The following CTXN3 variants were observed in gnomAD, a reference collection of about 807,000 sequenced individuals.
The protein encoded by CTXN3 is cortexin-3.
A neutral mutation model predicts 5.0 loss-of-function variants in CTXN3; 4 were observed. That is an observed-to-expected ratio of 0.79 (90% CI 0.39 to 1.82). CTXN3 has a LOEUF of 1.82. Among genes scored for constraint, CTXN3 ranks in the 40% most tolerant of loss-of-function variants. The pLI is 0.04. For synonymous variants in CTXN3, 48 were observed against 38.6 expected, an observed-to-expected ratio of 1.24 and a Z score of -0.91; for missense variants, 89 against 99.7, an observed-to-expected ratio of 0.89 and a Z score of 0.46.
At chr5:127,652,842 G>T (rs1476551732) in intron 1 of CTXN3, among the ~76,000 whole-genome samples, 2 of 152,138 alleles carry the variant, frequency 1.3e-5, no homozygotes, top group Non-Finnish European at 2.9e-5. Flanking sequence ...TCAACACATT[G>T]GCCATTTTAC....
intron 2 of CTXN3, among the ~76,000 whole-genome samples, chr5:127,655,144 T>C (rs1749877849): frequency 6.6e-6 from 1 of 152,038 alleles, no homozygotes; most frequent in South Asian, 2.1e-4. Context: ...ATGCCTGTAA[T>C]CCCAGCTACT....
chr5:127,657,389 A>G lies in CTXN3; in HGVS notation c.-99-34A>G, dbSNP rs1171425223. Reference sequence around the variant, plus strand: ...CCTAAAAAAATAAGGCTGCTATTTTATAGGTATTCCTTTCCCTTCCTTTTT... The same window carrying G: ...CCTAAAAAAATAAGGCTGCTATTTTGTAGGTATTCCTTTCCCTTCCTTTTT... On this transcript the variant is annotated intron_variant, in intron 2 of 2. Transcript: ENST00000379445. 1.0e-5 allele frequency: 10 copies of G among 959,254 alleles called. No homozygotes were observed. In the Admixed American group the frequency reaches 2.0e-4, roughly 19 times the overall value. The allele number at this position is 959,254 out of a possible 1,614,324, so 59.4% of individuals were successfully genotyped here.
intron 2 of CTXN3, 45 bp from the exon 3 acceptor site, chr5:127,657,378 G>C: frequency 3.5e-6 from 3 of 848,278 alleles, no homozygotes; most frequent in Admixed American, 5.4e-5. Context: ...AAAAAATAAG[G>C]CTGCTATTTT....
chr5:127,654,610 G>A (rs185720993), intron 2 of CTXN3, among the ~76,000 whole-genome samples: 27 of 152,278 alleles, frequency 1.8e-4, no homozygotes, highest in Non-Finnish European at 3.5e-4. Flanking sequence ...TGGTTTGCTC[G>A]CTGTAAATCC....
chr5:127,650,837 G>C (rs1749770579), intron 1 of CTXN3, among the ~76,000 whole-genome samples: 1 of 152,124 alleles, frequency 6.6e-6, no homozygotes, highest in African/African-American at 2.4e-5. Context: ...ATCTAGGGTG[G>C]GTGAGTGGGT....
chr5:127,655,816 G>C (rs1396486555), intron 2 of CTXN3, among the ~76,000 whole-genome samples: 1 of 152,160 alleles, frequency 6.6e-6, no homozygotes, highest in Non-Finnish European at 1.5e-5. Context: ...TTATAAATGA[G>C]TTTTGCAACT....
intron 2 of CTXN3, among the ~76,000 whole-genome samples, chr5:127,656,147 G>A (rs1318623262): frequency 1.3e-5 from 2 of 152,004 alleles, no homozygotes; most frequent in African/African-American, 2.4e-5. Flanking sequence ...GCTAATTACT[G>A]TGCTTTGTAA....
chr5:127,651,365 C>G, intron 1 of CTXN3, among the ~76,000 whole-genome samples: 1 of 152,086 alleles, frequency 6.6e-6, no homozygotes, highest in East Asian at 1.9e-4. Flanking sequence ...AAAATACAGA[C>G]AGCATTGCTT....
At chr5:127,657,043 T>A (rs1278779722) in intron 2 of CTXN3, among the ~76,000 whole-genome samples, 2 of 152,158 alleles carry the variant, frequency 1.3e-5, no homozygotes, top group African/African-American at 4.8e-5. Flanking sequence ...GCTCCCTCAA[T>A]GGCGCTATCG....
rs1363648333 is a variant in CTXN3, at chr5:127,651,834, AAAG to A, written c.-206-1480_-206-1478del. The A allele has an allele frequency of 2.0e-5, 3 of 152,130 alleles. No individual in the cohort carries two copies. In the South Asian group the frequency reaches 6.2e-4, roughly 32 times the overall value. The allele number at this position is 152,130 out of a possible 1,614,324, so 9.4% of individuals were successfully genotyped here. On this transcript the variant is annotated intron_variant, in intron 1 of 2. Transcript: ENST00000379445. ...TCTGTCGCTGTCACTTAAAAAAAAAAAAGAAAAGAAACATGTCATTGCTTTAAG... is the reference window on the plus strand; with the variant it reads ...TCTGTCGCTGTCACTTAAAAAAAAAAAAAAGAAACATGTCATTGCTTTAAG...
intron 1 of CTXN3, among the ~76,000 whole-genome samples, chr5:127,649,979 T>C (rs1749750733): frequency 6.6e-6 from 1 of 152,128 alleles, no homozygotes; most frequent in Non-Finnish European, 1.5e-5. Context: ...TGCCTTCTGA[T>C]ACCACCGATT....
intron 2 of CTXN3, among the ~76,000 whole-genome samples, chr5:127,655,958 A>G (rs1003051328): frequency 6.6e-6 from 1 of 152,166 alleles, no homozygotes; most frequent in African/African-American, 2.4e-5. Flanking sequence ...AATTTTACAA[A>G]CTTTGAAGTG....
intron 1 of CTXN3, among the ~76,000 whole-genome samples, chr5:127,650,437 C>A (rs1749761950): frequency 6.6e-6 from 1 of 152,012 alleles, no homozygotes; most frequent in Non-Finnish European, 1.5e-5. Context: ...TTTGAAGCAT[C>A]AGGGCTATTG....
intron 1 of CTXN3, among the ~76,000 whole-genome samples, chr5:127,650,790 T>C (rs1174202898): frequency 6.6e-6 from 1 of 152,124 alleles, no homozygotes; most frequent in Non-Finnish European, 1.5e-5. Context: ...ACAGTTGTGG[T>C]GGGGATGGAT....
chr5:127,651,961 G>T (rs1749795196), intron 1 of CTXN3: 1 of 152,148 alleles, frequency 6.6e-6, no homozygotes, highest in African/African-American at 2.4e-5. Flanking sequence ...CCTGAGAAGG[G>T]TACATGTTGA....
At chr5:127,652,750 T>G (rs540875260) in intron 1 of CTXN3, among the ~76,000 whole-genome samples, 1 of 152,260 alleles carries the variant, frequency 6.6e-6, no homozygotes, top group Admixed American at 6.5e-5. Context: ...ACAGCAGGTA[T>G]TGGATCAAGC....
intron 1 of CTXN3, among the ~76,000 whole-genome samples, chr5:127,651,466 T>C (rs1306937610): frequency 6.6e-6 from 1 of 152,188 alleles, no homozygotes; most frequent in Non-Finnish European, 1.5e-5. Context: ...TACCATCATT[T>C]GGCGTTGGGG....
At chr5:127,651,719 C>T (rs1285569791) in intron 1 of CTXN3, 1 of 151,878 alleles carries the variant, frequency 6.6e-6, no homozygotes, top group Non-Finnish European at 1.5e-5. Flanking sequence ...CACCCTATTG[C>T]AAAAGGGTGG....
chr5:127,657,064 G>A (rs1749925316), intron 2 of CTXN3, among the ~76,000 whole-genome samples: 1 of 152,240 alleles, frequency 6.6e-6, no homozygotes, highest in African/African-American at 2.4e-5. Flanking sequence ...TAAGAACAAT[G>A]TGAGAGTAAT....
Sources: allele counts gnomAD v4.1 joint callset (sites outside exome capture counted in the v4.1 genomes callset), GRCh38; gene constraint gnomAD v4.1.1; transcripts MANE v1.5; gene names NCBI Gene and HGNC (gene_info 2026-07-23, HGNC 2026-07-21).